The following FBRSL1 variants were observed in gnomAD, a reference collection of about 807,000 sequenced individuals.
FBRSL1 encodes the protein fibrosin-1-like protein.
FBRSL1 carries 51 observed loss-of-function variants against 89.6 expected under a neutral mutation model. That is an observed-to-expected ratio of 0.57 (90% confidence interval 0.45 to 0.72). The LOEUF is 0.72. Ranked by LOEUF, FBRSL1 falls within the 30% of genes least tolerant of loss-of-function variation. The pLI is 0.00. For missense variants in FBRSL1, 1,618 were observed against 1,451.8 expected (o/e 1.11, Z -1.86); for synonymous variants, 779 against 681.1 (o/e 1.14, Z -2.24).
At chr12:132,548,102 A>T (rs553958735) in intron 5 of FBRSL1, 70 bp downstream of exon 5, 2 of 1,521,092 alleles carry the variant, frequency 1.3e-6, no homozygotes, top group East Asian at 4.9e-5. Context: ...TGGCCCTGTG[A>T]GGTGGGCCCT....
At position 132,508,072 on chromosome 12, in the gene FBRSL1, G is replaced by C. The variant is rs903106013; in HGVS notation, c.292-81G>C. 9 of 1,369,736 alleles carry C rather than the reference G, an allele frequency of 6.6e-6. No individual in the cohort carries two copies. In the African/African-American group the frequency reaches 1.2e-4, roughly 18 times the overall value. The allele number at this position is 1,369,736 out of a possible 1,614,324, so 84.8% of individuals were successfully genotyped here. A position where few individuals can be genotyped will look rare whatever the true frequency, so the allele number is the denominator to read the frequency against. Reference sequence around the variant, plus strand: ...CCCAAGTGGGGAGGCTCCTTCCCAAGAGCTGCTCAGGTGGGTGCTGTCCTG... The same window carrying C: ...CCCAAGTGGGGAGGCTCCTTCCCAACAGCTGCTCAGGTGGGTGCTGTCCTG... On this transcript the variant is annotated intron_variant, in intron 1 of 18. Coordinates refer to ENST00000680143, the MANE Select transcript of FBRSL1 (RefSeq NM_001367871.1).
chr12:132,539,254 G>A (rs1173264273), intron 4 of FBRSL1, among the ~76,000 whole-genome samples: 1 of 152,086 alleles, frequency 6.6e-6, no homozygotes, highest in East Asian at 1.9e-4. Flanking sequence ...CAGGGTCAGA[G>A]AGGGAGGAGC....
intron 5 of FBRSL1, among the ~76,000 whole-genome samples, 200 bp from the exon 6 acceptor site, chr12:132,567,281 C>T (rs7134889): frequency 0.45 from 68,996 of 152,068 alleles, 15,807 homozygotes; most frequent in Admixed American, 0.55. Flanking sequence ...GGCCTGTGTG[C>T]CCCCAGCGTG....
In FBRSL1 at chr12:132,499,442, T is replaced by G. The variant is rs1410596667; in HGVS notation, c.291+8581T>G. Among the ~76,000 whole-genome samples, 1 of 152,202 alleles carries G rather than the reference T, an allele frequency of 6.6e-6. No homozygotes were observed. Among genetic ancestry groups the G allele is most frequent in the Non-Finnish European group, 1.5e-5 (1 of 68,038 alleles). On this transcript the variant is annotated intron_variant, in intron 1 of 18. Coordinates refer to ENST00000680143, the MANE Select transcript of FBRSL1 (RefSeq NM_001367871.1). This position sits in a 1 kb window ranked among gnomAD's most constrained non-coding sequence, Gnocchi z 4.3. ...ATAAGCATTTATTGAGCACCGGCTGTGTGCCAGGCCCTGGGCCGGCCCCCA... is the reference window on the plus strand; with the variant it reads ...ATAAGCATTTATTGAGCACCGGCTGGGTGCCAGGCCCTGGGCCGGCCCCCA...
At chr12:132,517,672 G>A (rs991440508) in intron 2 of FBRSL1, among the ~76,000 whole-genome samples, 3 of 152,230 alleles carry the variant, frequency 2.0e-5, no homozygotes, top group African/African-American at 7.2e-5. Flanking sequence ...AGCCACCCAG[G>A]CCTCTGGTGG....
chr12:132,563,775 A>G (rs111599055), intron 5 of FBRSL1, among the ~76,000 whole-genome samples: 6 of 41,692 alleles, frequency 1.4e-4, no homozygotes, highest in African/African-American at 6.9e-4. Context: ...CGGCTGACAC[A>G]TACCTACGAC....
At chr12:132,511,794 C>T (rs1377282373) in intron 2 of FBRSL1, 37 of 985,250 alleles carry the variant, frequency 3.8e-5, no homozygotes, top group South Asian at 9.4e-5. Context: ...CCTGACCAGC[C>T]TCTGGTGCAG....
rs1020413595 is a variant in FBRSL1, at chr12:132,583,398, C to T, written c.2629C>T (p.Leu877Phe). ...CGCCCCCGCCCCGGGCTCCGCCGCC[C>T]TCTTGGAGCCCCCGGAGCGCCCCTA... is the stretch of plus-strand genomic sequence containing the variant. The part of the protein sequence containing the change: ...AAAPAPGSAA[L>F]LEPPERPYRD... Residue 877 changes from leucine (L) to phenylalanine (F), a missense_variant, in exon 19 of 19, where the codon CTC becomes TTC. Physicochemically the swap from Leu to Phe is conservative, Grantham distance 22. Coordinates refer to ENST00000680143, the MANE Select transcript of FBRSL1 (RefSeq NM_001367871.1). 13 of 1,082,344 alleles carry T rather than the reference C, an allele frequency of 1.2e-5. No individual in the cohort carries two copies. Among genetic ancestry groups the T allele is most frequent in the Non-Finnish European group, 1.5e-5 (13 of 892,032 alleles). 67.0% of individuals were successfully genotyped at this position (1,082,344 alleles called of 1,614,324 possible).
At chr12:132,564,711 G>A (rs551242417) in intron 5 of FBRSL1, among the ~76,000 whole-genome samples, 3 of 88,764 alleles carry the variant, frequency 3.4e-5, no homozygotes, top group Non-Finnish European at 6.0e-5. Context: ...TAGCCAGGAT[G>A]GTCTCGATCT....
In FBRSL1 at chr12:132,583,014, G is replaced by A. The variant is rs1197839635; in HGVS notation, c.2245G>A (p.Ala749Thr). 5 of 1,455,268 alleles carry A rather than the reference G, an allele frequency of 3.4e-6. No homozygotes were observed. Among genetic ancestry groups the A allele is most frequent in the Admixed American group, 2.6e-5 (1 of 38,800 alleles). 90.1% of individuals were successfully genotyped at this position (1,455,268 alleles called of 1,614,324 possible). A position where few individuals can be genotyped will look rare whatever the true frequency, so the allele number is the denominator to read the frequency against. Residue 749 changes from alanine to threonine, a missense_variant, in exon 19 of 19, where the codon GCC becomes ACC. By Grantham distance (58) the Ala-to-Thr change is moderately conservative. Transcript: ENST00000680143. Reference sequence around the variant, plus strand: ...GCGCCTGCTGAGCCGGGCCTCGCCCGCCACCCCCGCTGGCCACCCCGTCAG... The same window carrying A: ...GCGCCTGCTGAGCCGGGCCTCGCCCACCACCCCCGCTGGCCACCCCGTCAG... ...KTRLLSRASP[A>T]TPAGHPVSGL...
At position 132,528,440 on chromosome 12, in the gene FBRSL1, G is replaced by A. The variant is rs890702864; in HGVS notation, c.615+452G>A. Among the ~76,000 whole-genome samples, 6 of 152,188 alleles carry A rather than the reference G, an allele frequency of 3.9e-5. No homozygotes were observed. The South Asian group carries it at 8.3e-4, about 21-fold the overall frequency. ...AGCAGCCACCTCCAATGCCCTGACC[G>A]GCACCTGCCTCACCCCGGACAGAAA... On this transcript the variant is annotated intron_variant, in intron 4 of 18. Transcript: ENST00000680143.
chr12:132,581,208 C>A (rs1007336595), intron 15 of FBRSL1: 2 of 985,266 alleles, frequency 2.0e-6, no homozygotes, highest in Non-Finnish European at 2.4e-6. Flanking sequence ...CCCTGCCCCC[C>A]TTGGGGTCCC....
chr12:132,493,183 C>T (rs996549661), intron 1 of FBRSL1, among the ~76,000 whole-genome samples: 3 of 152,358 alleles, frequency 2.0e-5, no homozygotes, highest in East Asian at 1.9e-4. Context: ...GCCACCCACA[C>T]GGGACACCGA....
intron 4 of FBRSL1, among the ~76,000 whole-genome samples, chr12:132,529,978 C>T (rs2036126047): frequency 6.6e-6 from 1 of 152,200 alleles, no homozygotes; most frequent in African/African-American, 2.4e-5. Context: ...GGGGGCAACC[C>T]CTCAGAGGTG....
intron 15 of FBRSL1, among the ~76,000 whole-genome samples, chr12:132,579,533 C>T (rs1288361071): frequency 1.3e-5 from 2 of 152,208 alleles, no homozygotes; most frequent in Admixed American, 6.6e-5. Context: ...TAAATTCTTA[C>T]GAATGCAAAG....
chr12:132,560,588 C>T (rs1277416442), intron 5 of FBRSL1, among the ~76,000 whole-genome samples: 5 of 152,164 alleles, frequency 3.3e-5, no homozygotes, highest in Non-Finnish European at 5.9e-5. Context: ...AGTTCTTTGT[C>T]TGGGGCGGGG....
At chr12:132,512,040 A>G (rs1593291242) in intron 2 of FBRSL1, 3 of 983,392 alleles carry the variant, frequency 3.1e-6, no homozygotes, top group Admixed American at 6.1e-5. Flanking sequence ...TTGGCTCGGG[A>G]TTCATTGCAC....
rs61744287 is a variant in FBRSL1, at chr12:132,525,764, C to T, written c.520C>T (p.Arg174Trp). Reference protein sequence around the residue: ...MKVTVSKGGDRDSDDDSVLEA... With the variant: ...MKVTVSKGGDWDSDDDSVLEA... ...GGTCACCGTGTCCAAAGGGGGCGAC[C>T]GGGACAGTGACGACGACAGCGTCCT... Residue 174 changes from arginine to tryptophan, a missense_variant, in exon 3 of 19, where the codon CGG becomes TGG. Transcript: ENST00000680143. 4.7e-3 allele frequency: 7,226 copies of T among 1,549,814 alleles called. 284 individuals carry two copies. The African/African-American group carries it at 0.086, about 18-fold the overall frequency.
chr12:132,545,786 G>A (rs749266296), intron 4 of FBRSL1, among the ~76,000 whole-genome samples: 4 of 152,244 alleles, frequency 2.6e-5, no homozygotes, highest in South Asian at 2.1e-4. Flanking sequence ...GGCTGCTCTC[G>A]AGGCCTGATT....
Sources: allele counts gnomAD v4.1 joint callset (sites outside exome capture counted in the v4.1 genomes callset), GRCh38; gene constraint gnomAD v4.1.1; non-coding constraint Gnocchi (gnomAD v3.1); transcripts MANE v1.5; gene names NCBI Gene and HGNC (gene_info 2026-07-23, HGNC 2026-07-21).